The following CCDC6 variants were observed in gnomAD, a reference collection of about 807,000 sequenced individuals.
CCDC6 encodes coiled-coil domain-containing protein 6.
In CCDC6, 20 loss-of-function variants were observed where a neutral mutation model predicts 56.6. The observed-to-expected ratio is 0.35, with a 90% CI of 0.25 to 0.51. The LOEUF is 0.51. CCDC6 is among the 20% of genes least tolerant of loss of function. The pLI is 0.95. For synonymous variants in CCDC6, 241 were observed against 234.4 expected (o/e 1.03, Z -0.26); for missense variants, 367 against 601.1 (o/e 0.61, Z 4.07).
rs118160696 is a variant in CCDC6 at position 59,822,969 on chromosome 10, A to C, written c.583-8214T>G. 1.1e-3 allele frequency among the ~76,000 whole-genome samples: 160 copies of C among 151,906 alleles called. 1 individual carries two copies. The East Asian group carries it at 0.028, about 26-fold the overall frequency. On this transcript the variant is annotated intron_variant, in intron 3 of 8. Transcript: ENST00000263102. ...CTGGAGGTTGGAGAGAAGCGGTTTG[A>C]CTTCGGAGGGACAGCTTGCTGGCGT...
intron 1 of CCDC6, among the ~76,000 whole-genome samples, chr10:59,889,044 A>C (rs2071402916): frequency 6.6e-6 from 1 of 151,978 alleles, no homozygotes; most frequent in South Asian, 2.1e-4. Context: ...CTTGAATATC[A>C]GGGGACCCAC....
chr10:59,891,204 C>G (rs2071420122), intron 1 of CCDC6, among the ~76,000 whole-genome samples: 1 of 152,092 alleles, frequency 6.6e-6, no homozygotes, highest in Admixed American at 6.5e-5. Flanking sequence ...GTTGTGCATC[C>G]TGCATTTTTA....
chr10:59,904,433 T>C (rs2071527285), intron 1 of CCDC6, among the ~76,000 whole-genome samples: 2 of 152,372 alleles, frequency 1.3e-5, no homozygotes, highest in Non-Finnish European at 2.9e-5. Flanking sequence ...AATTGCCCAC[T>C]GCATGCAAAA....
At chr10:59,876,436 C>T (rs947407057) in intron 1 of CCDC6, among the ~76,000 whole-genome samples, 3 of 151,850 alleles carry the variant, frequency 2.0e-5, no homozygotes, top group East Asian at 1.9e-4. Context: ...ATTCTGTCAC[C>T]GTAAAAGTTT....
At chr10:59,814,578 C>T (rs1589038362) in intron 4 of CCDC6, 74 bp downstream of exon 4, 1 of 887,354 alleles carries the variant, frequency 1.1e-6, no homozygotes, top group Non-Finnish European at 1.9e-6. Context: ...ACTGCTATTC[C>T]TCAGTCACAC....
At chr10:59,858,076 T>C (rs1398293423) in intron 1 of CCDC6, among the ~76,000 whole-genome samples, 1 of 152,176 alleles carries the variant, frequency 6.6e-6, no homozygotes, top group Non-Finnish European at 1.5e-5. Flanking sequence ...AATGGGTTTA[T>C]CAACACCAAC....
Position 59,882,938 on chromosome 10 carries a change from C to T in CCDC6, c.303+23184G>A, listed in dbSNP as rs530462045. On this transcript the variant is annotated intron_variant, in intron 1 of 8. Transcript: ENST00000263102. ...TCGCGCCACTGCACTCCAGCCTGGG[C>T]GACAGAGCAAGACTCTGCCTCAAAA... is the stretch of plus-strand genomic sequence containing the variant. 2.0e-5 allele frequency among the ~76,000 whole-genome samples: 3 copies of T among 150,232 alleles called. No homozygotes were observed. In the South Asian group the frequency reaches 6.3e-4, roughly 32 times the overall value.
intron 1 of CCDC6, among the ~76,000 whole-genome samples, chr10:59,869,550 G>A (rs540905147): frequency 1.6e-4 from 25 of 151,846 alleles, no homozygotes; most frequent in Admixed American, 8.5e-4. Context: ...TGTTTCTAAT[G>A]GAAATAAATC....
intron 1 of CCDC6, among the ~76,000 whole-genome samples, chr10:59,871,819 A>C (rs900815061): frequency 6.6e-6 from 1 of 152,082 alleles, no homozygotes. Flanking sequence ...AAAAATTCCC[A>C]CTAAGTATTC....
At chr10:59,897,596 A>G (rs2071473327) in intron 1 of CCDC6, among the ~76,000 whole-genome samples, 1 of 152,176 alleles carries the variant, frequency 6.6e-6, no homozygotes, top group African/African-American at 2.4e-5. Context: ...GCATACAAGT[A>G]ATTTCATGAG....
chr10:59,882,566 G>A (rs1364119832), intron 1 of CCDC6, among the ~76,000 whole-genome samples: 3 of 16,022 alleles, frequency 1.9e-4, no homozygotes, highest in Non-Finnish European at 4.7e-4. Flanking sequence ...AAGGAAAGCC[G>A]CGGGGAGAAG....
chr10:59,829,652 A>C (rs1380515298), intron 3 of CCDC6, among the ~76,000 whole-genome samples: 1 of 152,238 alleles, frequency 6.6e-6, no homozygotes, highest in Non-Finnish European at 1.5e-5. Flanking sequence ...GAAAGAAGCC[A>C]ATCACAAAAG....
chr10:59,905,486 G>A (rs1249592676), intron 1 of CCDC6, among the ~76,000 whole-genome samples: 3 of 152,040 alleles, frequency 2.0e-5, no homozygotes, highest in African/African-American at 7.2e-5. Flanking sequence ...GCTGTAAACC[G>A]TCCACCCTCC....
intron 7 of CCDC6, among the ~76,000 whole-genome samples, chr10:59,800,221 T>G (rs1404044431): frequency 1.3e-5 from 2 of 152,204 alleles, no homozygotes; most frequent in Non-Finnish European, 2.9e-5. Flanking sequence ...ATAATATTAG[T>G]AACTAAGGCA....
Position 59,790,687 on chromosome 10 carries a change from C to T in CCDC6, c.*2230G>A, listed in dbSNP as rs1039055800. On this transcript the variant is annotated 3_prime_UTR_variant, in exon 9 of 9. Transcript: ENST00000263102. ...TGTTTGAAGGAGCTGTGTTTTATTT[C>T]GAAGTGAAATGACTTTGGGAACCAG... 1 of 219,316 alleles carries T rather than the reference C, an allele frequency of 4.6e-6. No individual in the cohort carries two copies. Among genetic ancestry groups the T allele is most frequent in the African/African-American group, 2.3e-5 (1 of 44,040 alleles). The allele number at this position is 219,316 out of a possible 1,614,324, so 13.6% of individuals were successfully genotyped here. A position where few individuals can be genotyped will look rare whatever the true frequency, so the allele number is the denominator to read the frequency against.
At chr10:59,888,148 C>T (rs577917500) in intron 1 of CCDC6, among the ~76,000 whole-genome samples, 2 of 152,322 alleles carry the variant, frequency 1.3e-5, no homozygotes, top group Non-Finnish European at 2.9e-5. Context: ...ACATACTGCT[C>T]ACAGCTTCCT....
intron 5 of CCDC6, 88 bp downstream of exon 5, chr10:59,812,547 A>T: frequency 1.2e-6 from 1 of 822,024 alleles, no homozygotes; most frequent in Non-Finnish European, 1.8e-6. Flanking sequence ...CTGCAAATTC[A>T]ACAGTAATTA....
At chr10:59,844,914 C>T (rs553604053) in intron 2 of CCDC6, among the ~76,000 whole-genome samples, 105 of 152,244 alleles carry the variant, frequency 6.9e-4, no homozygotes, top group African/African-American at 2.5e-3. Flanking sequence ...TGAAAGGTCT[C>T]ATCTTTCTTA....
intron 2 of CCDC6, among the ~76,000 whole-genome samples, chr10:59,847,853 ACATGTTATACAG>A (rs946241491): frequency 2.4e-5 from 3 of 124,974 alleles, no homozygotes; most frequent in African/African-American, 1.0e-4. Flanking sequence ...CCCCTAATGT[ACATGTTATACAG>A]CAGGTCCTCA....
Sources: gnomAD v4.1 joint callset for allele counts (sites outside exome capture counted in the v4.1 genomes callset) on GRCh38, gnomAD v4.1.1 for gene constraint, MANE v1.5 for transcripts, NCBI Gene and HGNC (gene_info 2026-07-23, HGNC 2026-07-21) for gene names.